The following AGBL1 variants were observed in gnomAD, a reference collection of about 807,000 sequenced individuals.
AGBL1 encodes AGBL carboxypeptidase 1, also known as cytosolic carboxypeptidase 4.
AGBL1 carries 130 observed loss-of-function variants against 118.9 expected under a neutral mutation model. The ratio of observed to expected loss-of-function variants is 1.09; its 90% CI spans 0.95 to 1.26. AGBL1 has a LOEUF of 1.26. AGBL1 is among the 50% of genes most tolerant of loss of function. AGBL1 has a pLI of 0.00. For synonymous variants in AGBL1, 555 were observed against 478.9 expected (o/e 1.16, Z -2.08); for missense variants, 1,584 against 1,298.1 (o/e 1.22, Z -3.38).
chr15:86,816,126 G>A (rs1345573081), intron 22 of AGBL1, among the ~76,000 whole-genome samples: 2 of 152,192 alleles, frequency 1.3e-5, no homozygotes, highest in African/African-American at 4.8e-5. Context: ...ATGTCTTCCA[G>A]AGGAATTAAA....
chr15:86,560,584 G>T (rs913643225), intron 21 of AGBL1, among the ~76,000 whole-genome samples: 1 of 152,170 alleles, frequency 6.6e-6, no homozygotes, highest in Non-Finnish European at 1.5e-5. Flanking sequence ...ATTGTGAATA[G>T]TGCCACAATA....
chr15:86,615,326 T>G lies in AGBL1; in HGVS notation c.2995-58947T>G, dbSNP rs922282458. Reference sequence around the variant, plus strand: ...TGAGGGACTGTGGTAAAGACTAGAGTGGAGGAATGGGATATGGGAACACAT... The same window carrying G: ...TGAGGGACTGTGGTAAAGACTAGAGGGGAGGAATGGGATATGGGAACACAT... On this transcript the variant is annotated intron_variant, in intron 21 of 22. Coordinates refer to ENST00000614907, the MANE Select transcript of AGBL1 (RefSeq NM_001386094.1). This position sits in a 1 kb window ranked among gnomAD's most constrained non-coding sequence, Gnocchi z 4.3. Among the ~76,000 whole-genome samples, 4 of 151,182 alleles carry G rather than the reference T, an allele frequency of 2.6e-5. No homozygotes were observed. Among genetic ancestry groups the G allele is most frequent in the African/African-American group, 9.7e-5 (4 of 41,064 alleles).
intron 23 of AGBL1, among the ~76,000 whole-genome samples, chr15:86,974,999 T>G (rs72757461): frequency 0.04 from 6,093 of 152,108 alleles, 151 homozygotes; most frequent in Middle Eastern, 0.068. Context: ...GTCTCTAAAA[T>G]AAGTGGTTTT....
chr15:86,241,039 A>G (rs2078633558), intron 6 of AGBL1, among the ~76,000 whole-genome samples: 1 of 152,152 alleles, frequency 6.6e-6, no homozygotes, highest in South Asian at 2.1e-4. Context: ...TATATCATGG[A>G]CATGGCCTTT....
At chr15:86,523,328 C>A (rs530359042) in intron 19 of AGBL1, among the ~76,000 whole-genome samples, 1 of 152,258 alleles carries the variant, frequency 6.6e-6, no homozygotes, top group Non-Finnish European at 1.5e-5. Context: ...TTCACAAGGC[C>A]ATCTTCCCTC....
intron 18 of AGBL1, among the ~76,000 whole-genome samples, chr15:86,517,786 T>C (rs181989684): frequency 1.6e-4 from 24 of 150,374 alleles, no homozygotes; most frequent in Non-Finnish European, 3.4e-4. Flanking sequence ...GAAGTTGTCT[T>C]TTGGTTTTTT....
At chr15:86,185,119 AG>A (rs1175996360) in intron 5 of AGBL1, among the ~76,000 whole-genome samples, 1 of 152,240 alleles carries the variant, frequency 6.6e-6, no homozygotes, top group Non-Finnish European at 1.5e-5. Context: ...ACTTCTCAAA[AG>A]AAGACATTTA....
chr15:86,946,964 G>T (rs952215491), intron 23 of AGBL1, among the ~76,000 whole-genome samples: 1 of 151,938 alleles, frequency 6.6e-6, no homozygotes, highest in Non-Finnish European at 1.5e-5. Flanking sequence ...TCAGAAATCT[G>T]TGTGGCATCT....
At chr15:86,128,480 CAA>C (rs1259929416) in intron 1 of AGBL1, among the ~76,000 whole-genome samples, 2 of 152,138 alleles carry the variant, frequency 1.3e-5, no homozygotes, top group African/African-American at 2.4e-5. Context: ...GAGATATGTG[CAA>C]AGTTTATGTC....
intron 21 of AGBL1, among the ~76,000 whole-genome samples, chr15:86,557,938 G>A (rs1373594009): frequency 1.3e-5 from 2 of 152,072 alleles, no homozygotes; most frequent in Non-Finnish European, 2.9e-5. Context: ...ATGCCATTCT[G>A]AAATGGAGAT....
intron 18 of AGBL1, among the ~76,000 whole-genome samples, chr15:86,474,054 G>C (rs986470524): frequency 4.6e-5 from 7 of 152,108 alleles, no homozygotes; most frequent in African/African-American, 1.7e-4. Flanking sequence ...GTAGATTTTG[G>C]CTGATTTTGA....
intron 21 of AGBL1, among the ~76,000 whole-genome samples, chr15:86,606,546 T>C (rs534959989): frequency 1.3e-5 from 2 of 152,284 alleles, no homozygotes; most frequent in South Asian, 4.1e-4. Context: ...TTCTGAAATC[T>C]TGTTAAGAAT....
intron 21 of AGBL1, among the ~76,000 whole-genome samples, chr15:86,572,983 T>G (rs1341349050): frequency 6.6e-6 from 1 of 152,274 alleles, no homozygotes; most frequent in African/African-American, 2.4e-5. Context: ...GCAATAATTC[T>G]GTTTATATGC....
chr15:86,675,640 C>T (rs2085829483), intron 22 of AGBL1, among the ~76,000 whole-genome samples: 1 of 152,146 alleles, frequency 6.6e-6, no homozygotes, highest in African/African-American at 2.4e-5. Context: ...TGTTTGGTAT[C>T]TTTGTGGTGT....
chr15:86,656,948 A>G (rs946702191), intron 21 of AGBL1, among the ~76,000 whole-genome samples: 26 of 152,100 alleles, frequency 1.7e-4, no homozygotes, highest in Non-Finnish European at 4.4e-5. Flanking sequence ...CCCTTCCCTT[A>G]GGAAATTGTA....
At chr15:86,691,950 A>G (rs1267398061) in intron 22 of AGBL1, among the ~76,000 whole-genome samples, 1 of 152,066 alleles carries the variant, frequency 6.6e-6, no homozygotes, top group East Asian at 1.9e-4. Context: ...TTTATTATTA[A>G]GAAGTTGAAT....
intron 17 of AGBL1, among the ~76,000 whole-genome samples, chr15:86,368,613 A>T (rs1352181273): frequency 6.6e-6 from 1 of 152,196 alleles, no homozygotes; most frequent in Non-Finnish European, 1.5e-5. Flanking sequence ...TTAAAGAAGG[A>T]ATTAATGAAG....
chr15:86,169,095 G>A (rs995978019), intron 5 of AGBL1, among the ~76,000 whole-genome samples: 2 of 152,174 alleles, frequency 1.3e-5, no homozygotes, highest in African/African-American at 4.8e-5. Flanking sequence ...CTAGATTGCA[G>A]TGCAGGGACA....
At chr15:86,871,539 C>T (rs750185147) in intron 22 of AGBL1, among the ~76,000 whole-genome samples, 1 of 152,162 alleles carries the variant, frequency 6.6e-6, no homozygotes, top group Non-Finnish European at 1.5e-5. Flanking sequence ...TCCTCAGGCT[C>T]TCTCCTCCTT....
Sources: allele counts gnomAD v4.1 joint callset (sites outside exome capture counted in the v4.1 genomes callset), GRCh38; gene constraint gnomAD v4.1.1; non-coding constraint Gnocchi (gnomAD v3.1); transcripts MANE v1.5; gene names NCBI Gene and HGNC (gene_info 2026-07-23, HGNC 2026-07-21).